Variants in CNTN4 observed in about 807,000 individuals in gnomAD.
CNTN4 encodes the protein contactin-4.
Under a neutral mutation model 122.5 loss-of-function variants are expected in CNTN4, and 77 were observed. The observed-to-expected ratio is 0.63, with a 90% confidence interval of 0.52 to 0.76. The LOEUF is 0.76. Among genes scored for constraint, CNTN4 ranks in the 30% least tolerant of loss-of-function variants. The pLI is 0.00. For missense variants in CNTN4, 1,256 were observed against 1,259.1 expected, an observed-to-expected ratio of 1.00 and a Z score of 0.04; for synonymous variants, 512 against 447.0, an observed-to-expected ratio of 1.15 and a Z score of -1.83.
At chr3:3,009,107 C>G in intron 14 of CNTN4, 1 of 853,744 alleles carries the variant, frequency 1.2e-6, no homozygotes, top group Non-Finnish European at 1.4e-6. Context: ...CCATGCCTTG[C>G]CCTGGCATGA....
At chr3:2,604,245 AT>A (rs1397679655) in intron 4 of CNTN4, among the ~76,000 whole-genome samples, 1 of 152,072 alleles carries the variant, frequency 6.6e-6, no homozygotes, top group Admixed American at 6.5e-5. Context: ...CTAATCTGTT[AT>A]TTTTTTTAAA....
At chr3:3,029,280 TA>T (rs1236018348) in intron 15 of CNTN4, among the ~76,000 whole-genome samples, 2 of 152,258 alleles carry the variant, frequency 1.3e-5, no homozygotes, top group African/African-American at 4.8e-5. Flanking sequence ...CTGTCAGTAA[TA>T]CCAGTTTAGA....
intron 3 of CNTN4, among the ~76,000 whole-genome samples, chr3:2,352,363 C>T (rs994776644): frequency 6.6e-6 from 1 of 152,184 alleles, no homozygotes; most frequent in Admixed American, 6.5e-5. Flanking sequence ...AGGCCGGAAC[C>T]GGCTCCCTCT....
At chr3:2,773,034 A>G (rs984031430) in intron 6 of CNTN4, among the ~76,000 whole-genome samples, 3 of 152,200 alleles carry the variant, frequency 2.0e-5, no homozygotes, top group Admixed American at 2.0e-4. Flanking sequence ...GGCAACATGG[A>G]ATTGACTTTT....
intron 2 of CNTN4, among the ~76,000 whole-genome samples, chr3:2,289,893 A>G (rs894440897): frequency 2.0e-5 from 3 of 152,186 alleles, no homozygotes; most frequent in Non-Finnish European, 4.4e-5. Context: ...CTTTCTAGAC[A>G]TTTGATGATT....
intron 2 of CNTN4, among the ~76,000 whole-genome samples, chr3:2,137,782 C>A (rs1007838690): frequency 2.6e-5 from 4 of 152,198 alleles, no homozygotes; most frequent in Non-Finnish European, 4.4e-5. Context: ...ATGAAAAGGA[C>A]AAAGCCAAAG....
intron 6 of CNTN4, among the ~76,000 whole-genome samples, chr3:2,781,939 G>A (rs575081708): frequency 9.5e-5 from 14 of 147,438 alleles, no homozygotes; most frequent in South Asian, 2.2e-4. Flanking sequence ...TAGCCAGGAT[G>A]GTCTCGATCT....
chr3:3,053,853 C>G lies in CNTN4; in HGVS notation c.2858C>G (p.Thr953Arg). Reference protein sequence around the residue: ...NRQSSTSVIETNKTSVELSLP... With the variant: ...NRQSSTSVIERNKTSVELSLP... ...CAAAGCAGCACATCTGTCATTGAAACAAATAAAACATCGGTGGAGCTTTCT... is the reference window on the plus strand; with the variant it reads ...CAAAGCAGCACATCTGTCATTGAAAGAAATAAAACATCGGTGGAGCTTTCT... Residue 953 changes from threonine (T) to arginine (R), a missense_variant, in exon 24 of 25, where the codon ACA becomes AGA. By Grantham distance (71) the Thr-to-Arg change is moderately conservative. Transcript: ENST00000418658. 2 of 1,614,168 alleles carry G rather than the reference C, an allele frequency of 1.2e-6. No homozygotes were observed. Among genetic ancestry groups the G allele is most frequent in the Non-Finnish European group, 1.7e-6 (2 of 1,180,020 alleles).
At chr3:2,178,016 C>T (rs2036834040) in intron 2 of CNTN4, among the ~76,000 whole-genome samples, 1 of 151,996 alleles carries the variant, frequency 6.6e-6, no homozygotes, top group African/African-American at 2.4e-5. Context: ...CTTCAAGCCC[C>T]AGCTCATTTC....
intron 2 of CNTN4, among the ~76,000 whole-genome samples, chr3:2,189,706 C>T (rs931289620): frequency 8.1e-5 from 12 of 147,902 alleles, no homozygotes; most frequent in South Asian, 2.2e-4. Flanking sequence ...ATGAAAAATA[C>T]GATTTCCATA....
intron 3 of CNTN4, among the ~76,000 whole-genome samples, chr3:2,540,251 G>A (rs1337269001): frequency 1.3e-5 from 2 of 152,020 alleles, no homozygotes; most frequent in Admixed American, 1.3e-4. Flanking sequence ...AAACTTGAGG[G>A]TAGGTGTATG....
chr3:2,132,103 C>T (rs539260285), intron 2 of CNTN4, among the ~76,000 whole-genome samples: 1 of 152,264 alleles, frequency 6.6e-6, no homozygotes, highest in African/African-American at 2.4e-5. Context: ...CATCTTCACT[C>T]TAGGGGAAGC....
intron 3 of CNTN4, among the ~76,000 whole-genome samples, chr3:2,523,377 A>T (rs1005265884): frequency 6.7e-6 from 1 of 150,078 alleles, no homozygotes; most frequent in Middle Eastern, 3.4e-3. Context: ...AAAAAACAAA[A>T]CTTTTTTCTA....
chr3:2,980,321 G>C (rs73805477), intron 13 of CNTN4, among the ~76,000 whole-genome samples: 1 of 152,050 alleles, frequency 6.6e-6, no homozygotes, highest in Non-Finnish European at 1.5e-5. Context: ...ATCACCTTTG[G>C]CTTTTCTCTG....
chr3:2,238,911 G>C (rs1462637388), intron 2 of CNTN4: 1 of 119,044 alleles, frequency 8.4e-6, no homozygotes, highest in Non-Finnish European at 1.8e-5. Context: ...ATTTTTAGTA[G>C]AGACGGGGTT....
At chr3:2,875,129 T>A (rs903045445) in intron 8 of CNTN4, among the ~76,000 whole-genome samples, 1 of 152,014 alleles carries the variant, frequency 6.6e-6, no homozygotes, top group African/African-American at 2.4e-5. Flanking sequence ...ATTACAGGCA[T>A]GTACCACCAT....
intron 2 of CNTN4, among the ~76,000 whole-genome samples, chr3:2,118,010 TACAG>T (rs1234950882): frequency 6.6e-6 from 1 of 152,216 alleles, no homozygotes; most frequent in African/African-American, 2.4e-5. Context: ...CCCCAGCTAT[TACAG>T]ACACTCTTAG....
intron 6 of CNTN4, among the ~76,000 whole-genome samples, chr3:2,750,129 G>GT (rs531642379): frequency 1.2e-4 from 18 of 152,156 alleles, no homozygotes; most frequent in Non-Finnish European, 2.4e-4. Flanking sequence ...ATTACTCATT[G>GT]TTAATACATA....
intron 3 of CNTN4, among the ~76,000 whole-genome samples, chr3:2,501,598 C>T (rs2076596029): frequency 6.6e-6 from 1 of 152,130 alleles, no homozygotes; most frequent in Non-Finnish European, 1.5e-5. Flanking sequence ...CTTCAAATGT[C>T]ACTCCCCACC....
Sources: allele counts gnomAD v4.1 joint callset (sites outside exome capture counted in the v4.1 genomes callset), GRCh38; gene constraint gnomAD v4.1.1; transcripts MANE v1.5; gene names NCBI Gene and HGNC (gene_info 2026-07-23, HGNC 2026-07-21).